Variants in FBN1 observed in about 807,000 individuals in gnomAD.
The protein encoded by FBN1 is fibrillin 1, also known as fibrillin-1.
A neutral mutation model predicts 365.1 loss-of-function variants in FBN1; 29 were observed. That is an observed-to-expected ratio of 0.08 (90% CI 0.06 to 0.11). The LOEUF is 0.11. Among genes scored for constraint, FBN1 ranks in the 10% least tolerant of loss-of-function variants. FBN1 has a pLI of 1.00. For missense variants in FBN1, 2,476 were observed against 3,703.2 expected (o/e 0.67, Z 8.60); for synonymous variants, 1,210 against 1,270.5 (o/e 0.95, Z 1.01).
intron 50 of FBN1, among the ~76,000 whole-genome samples, chr15:48,440,567 T>C (rs966938601): frequency 6.6e-6 from 1 of 152,282 alleles, no homozygotes; most frequent in Admixed American, 6.5e-5. Flanking sequence ...CACTGACAAC[T>C]ACCAACAAGC....
At chr15:48,628,452 C>A (rs1889927529) in intron 2 of FBN1, among the ~76,000 whole-genome samples, 1 of 152,142 alleles carries the variant, frequency 6.6e-6, no homozygotes, top group African/African-American at 2.4e-5. Flanking sequence ...TGCCTGAAAT[C>A]CCTTACTTTA....
intron 6 of FBN1, among the ~76,000 whole-genome samples, chr15:48,543,700 A>G (rs985449562): frequency 1.3e-5 from 2 of 152,226 alleles, no homozygotes; most frequent in African/African-American, 4.8e-5. Flanking sequence ...AAGTACAGAG[A>G]TTATTTTAGA....
chr15:48,510,635 T>C (rs1435122062), intron 13 of FBN1, among the ~76,000 whole-genome samples: 2 of 152,220 alleles, frequency 1.3e-5, no homozygotes, highest in Non-Finnish European at 2.9e-5. Flanking sequence ...ATCTCTAAAA[T>C]GTCCATCTTC....
At chr15:48,478,875 C>A (rs1425489753) in intron 32 of FBN1, among the ~76,000 whole-genome samples, 1 of 152,162 alleles carries the variant, frequency 6.6e-6, no homozygotes, top group Non-Finnish European at 1.5e-5. Context: ...AATGGAAATA[C>A]TCAGTAATGA....
chr15:48,497,439 CTGAA>C (rs1566912302), intron 18 of FBN1, 48 bp from the exon 19 acceptor site: 1 of 1,537,062 alleles, frequency 6.5e-7, no homozygotes, highest in East Asian at 2.3e-5. Context: ...AAAATAAATA[CTGAA>C]TGAATTGTTA....
intron 22 of FBN1, 142 bp from the exon 23 acceptor site, chr15:48,494,396 A>G (rs537431988): frequency 2.8e-6 from 2 of 703,028 alleles, no homozygotes; most frequent in South Asian, 3.1e-5. Context: ...ATGAGATAAC[A>G]AAATGTTTCT....
chr15:48,565,025 C>A (rs16961156), intron 6 of FBN1, among the ~76,000 whole-genome samples: 1 of 152,082 alleles, frequency 6.6e-6, no homozygotes, highest in African/African-American at 2.4e-5. Context: ...AAATTCCAGG[C>A]GAGAAGCATA....
At chr15:48,605,951 T>A (rs2044604555) in intron 4 of FBN1, among the ~76,000 whole-genome samples, 1 of 152,000 alleles carries the variant, frequency 6.6e-6, no homozygotes, top group African/African-American at 2.4e-5. Context: ...GATATACAGG[T>A]GGCAATAAGC....
intron 2 of FBN1, among the ~76,000 whole-genome samples, chr15:48,625,212 AGGT>A (rs1232650346): frequency 1.3e-5 from 2 of 152,202 alleles, no homozygotes; most frequent in African/African-American, 4.8e-5. Flanking sequence ...CAATGTTAAT[AGGT>A]GGTGGTTTGG....
intron 36 of FBN1, 74 bp downstream of exon 36, chr15:48,470,560 G>A: frequency 6.2e-7 from 1 of 1,601,108 alleles, no homozygotes; most frequent in East Asian, 2.2e-5. Context: ...CCCTTGTGTA[G>A]TCCCAGGGAG....
In FBN1 at chr15:48,489,615, C is replaced by A. The variant is rs1315233976; in HGVS notation, c.3082+236G>T. Among the ~76,000 whole-genome samples the A allele has an allele frequency of 5.3e-5, 8 of 152,022 alleles. No homozygotes were observed. The East Asian group carries it at 1.5e-3, about 29-fold the overall frequency. ...TTTACGTAACTGACATTTAAGAGGG[C>A]CACCTAGAAACTATCTGAAACTATC... is the stretch of plus-strand genomic sequence containing the variant. On this transcript the variant is annotated intron_variant, in intron 25 of 65. Transcript: ENST00000316623.
At chr15:48,473,279 T>C (rs952462748) in intron 34 of FBN1, among the ~76,000 whole-genome samples, 1 of 152,194 alleles carries the variant, frequency 6.6e-6, no homozygotes, top group Non-Finnish European at 1.5e-5. Flanking sequence ...TCCAGGTAAA[T>C]CACTTAATGA....
intron 42 of FBN1, among the ~76,000 whole-genome samples, chr15:48,461,356 T>C (rs773011459): frequency 3.9e-5 from 6 of 152,120 alleles, no homozygotes; most frequent in Non-Finnish European, 7.4e-5. Flanking sequence ...TAAATGTTAG[T>C]CTACATTAAG....
chr15:48,473,371 C>T (rs978171383), intron 34 of FBN1, among the ~76,000 whole-genome samples: 2 of 152,206 alleles, frequency 1.3e-5, no homozygotes, highest in Non-Finnish European at 2.9e-5. Flanking sequence ...ATAGGAGCAG[C>T]TATGCGACCT....
intron 38 of FBN1, 114 bp from the exon 39 acceptor site, chr15:48,465,972 T>C (rs527394273): frequency 1.3e-6 from 1 of 767,912 alleles, no homozygotes; most frequent in South Asian, 1.5e-5. Flanking sequence ...CAGGAATCTT[T>C]AGTTGTTACT....
intron 17 of FBN1, among the ~76,000 whole-genome samples, chr15:48,502,561 G>A (rs2043670420): frequency 6.6e-6 from 1 of 152,058 alleles, no homozygotes. Context: ...TCAATATTAG[G>A]TCTAACTTTA....
chr15:48,538,619 C>G (rs2044032658), intron 6 of FBN1, among the ~76,000 whole-genome samples: 1 of 150,836 alleles, frequency 6.6e-6, no homozygotes, highest in East Asian at 1.9e-4. Flanking sequence ...GAGCCAACAA[C>G]AAATAAGAAA....
chr15:48,496,244 T>C lies in FBN1; in HGVS notation c.2294-19A>G, dbSNP rs1353634853. 2.5e-6 allele frequency: 4 copies of C among 1,613,246 alleles called. No homozygotes were observed. Among genetic ancestry groups the C allele is most frequent in the Non-Finnish European group, 3.4e-6 (4 of 1,179,536 alleles). ...TTAATATCTGCAAAGTCAATGAAAA[T>C]AAACACTTAAAAAGGGCCCAAACTT... On this transcript the variant is annotated intron_variant, in intron 19 of 65. Transcript: ENST00000316623.
At chr15:48,607,999 T>C (rs574065581) in intron 4 of FBN1, among the ~76,000 whole-genome samples, 19 of 152,248 alleles carry the variant, frequency 1.2e-4, no homozygotes, top group Non-Finnish European at 2.4e-4. Context: ...TCATTCTTTT[T>C]GCCCTGGTGC....
Sources: gnomAD v4.1 joint callset for allele counts (sites outside exome capture counted in the v4.1 genomes callset) on GRCh38, gnomAD v4.1.1 for gene constraint, MANE v1.5 for transcripts, NCBI Gene and HGNC (gene_info 2026-07-23, HGNC 2026-07-21) for gene names.